The following MYO16 variants were observed in gnomAD, a reference collection of about 807,000 sequenced individuals.
MYO16 encodes unconventional myosin-XVI.
In MYO16, 94 loss-of-function variants were observed where a neutral mutation model predicts 205.3. The ratio of observed to expected loss-of-function variants is 0.46; its 90% CI spans 0.39 to 0.54. MYO16 has a LOEUF of 0.54. MYO16 is among the 20% of genes least tolerant of loss of function. The pLI, the probability that MYO16 is intolerant of heterozygous loss-of-function variation, is 0.00. For synonymous variants in MYO16, 988 were observed against 954.0 expected, an observed-to-expected ratio of 1.04 and a Z score of -0.66; for missense variants, 2,315 against 2,387.5, an observed-to-expected ratio of 0.97 and a Z score of 0.63.
intron 10 of MYO16, among the ~76,000 whole-genome samples, chr13:108,848,026 C>T (rs1475142): frequency 0.63 from 95,873 of 151,986 alleles, 30,660 homozygotes; most frequent in Middle Eastern, 0.68. Context: ...GCAGCTTTGC[C>T]GTGGTTCAGG....
chr13:108,577,076 T>C, the MYO16 span, among the ~76,000 whole-genome samples: 1 of 152,198 alleles, frequency 6.6e-6, no homozygotes, highest in Non-Finnish European at 1.5e-5. Context: ...TACCTTTCCA[T>C]TTGATTCAAT....
At chr13:108,859,307 A>G (rs1389598559) in intron 11 of MYO16, among the ~76,000 whole-genome samples, 1 of 152,172 alleles carries the variant, frequency 6.6e-6, no homozygotes, top group Non-Finnish European at 1.5e-5. Flanking sequence ...TATTGAATAA[A>G]TAAGTAGACT....
At chr13:108,917,656 G>A (rs1293472434) in intron 16 of MYO16, among the ~76,000 whole-genome samples, 3 of 152,198 alleles carry the variant, frequency 2.0e-5, no homozygotes, top group African/African-American at 7.2e-5. Context: ...TATTGTATGA[G>A]GTTAAGACAG....
the MYO16 span, among the ~76,000 whole-genome samples, chr13:108,535,406 G>A: frequency 1.4e-4 from 21 of 152,238 alleles, no homozygotes; most frequent in East Asian, 3.5e-3. Context: ...TGATCATTCC[G>A]GACCAGAATC....
intron 16 of MYO16, among the ~76,000 whole-genome samples, chr13:108,952,391 G>A (rs964812472): frequency 1.3e-5 from 2 of 152,050 alleles, no homozygotes; most frequent in African/African-American, 2.4e-5. Flanking sequence ...GTGTTGGTTC[G>A]CCAATGACTA....
intron 1 of MYO16, among the ~76,000 whole-genome samples, chr13:108,613,616 G>T (rs1027092753): frequency 6.6e-6 from 1 of 152,104 alleles, no homozygotes; most frequent in Non-Finnish European, 1.5e-5. Context: ...CAAAATGCTA[G>T]CAAACCCTAT....
chr13:108,839,156 G>A (rs1264137805), intron 9 of MYO16, among the ~76,000 whole-genome samples: 3 of 152,034 alleles, frequency 2.0e-5, no homozygotes, highest in Non-Finnish European at 4.4e-5. Flanking sequence ...ATGATGAGGG[G>A]CTCAGAGTGC....
chr13:108,863,028 G>C (rs1225941108), intron 11 of MYO16, among the ~76,000 whole-genome samples: 1 of 152,062 alleles, frequency 6.6e-6, no homozygotes, highest in African/African-American at 2.4e-5. Context: ...GTAATATATA[G>C]AGAATACAAT....
At chr13:109,189,165 G>A (rs1003657358) in intron 34 of MYO16, among the ~76,000 whole-genome samples, 1 of 152,070 alleles carries the variant, frequency 6.6e-6, no homozygotes, top group African/African-American at 2.4e-5. Flanking sequence ...GATTCAGCAA[G>A]TCAAGTCCTT....
chr13:109,137,782 A>G (rs1594116283), intron 31 of MYO16, among the ~76,000 whole-genome samples: 1 of 152,292 alleles, frequency 6.6e-6, no homozygotes, highest in Middle Eastern at 3.4e-3. Flanking sequence ...ACATACTCAT[A>G]TCACCATTTT....
intron 2 of MYO16, among the ~76,000 whole-genome samples, chr13:108,671,152 T>G (rs574104544): frequency 6.6e-6 from 1 of 152,226 alleles, no homozygotes; most frequent in African/African-American, 2.4e-5. Context: ...GTGTTTCTTT[T>G]TTGAATGGCA....
intron 2 of MYO16, among the ~76,000 whole-genome samples, chr13:108,708,047 A>G (rs1220468330): frequency 6.6e-6 from 1 of 152,164 alleles, no homozygotes; most frequent in Non-Finnish European, 1.5e-5. Context: ...TATTATTACA[A>G]TTTCACAGAG....
chr13:108,544,283 ATGT>A, the MYO16 span, among the ~76,000 whole-genome samples: 3 of 152,116 alleles, frequency 2.0e-5, no homozygotes, highest in Non-Finnish European at 4.4e-5. Context: ...CAATCACCAG[ATGT>A]TGTCCAATCA....
chr13:109,186,134 C>A (rs1481842322), intron 34 of MYO16, among the ~76,000 whole-genome samples: 1 of 152,048 alleles, frequency 6.6e-6, no homozygotes, highest in African/African-American at 2.4e-5. Context: ...CCATTGCATT[C>A]CAGCCTAAGC....
chr13:108,531,498 G>A, the MYO16 span, among the ~76,000 whole-genome samples: 3 of 152,128 alleles, frequency 2.0e-5, no homozygotes, highest in Admixed American at 6.5e-5. Flanking sequence ...AGTGGGCTTC[G>A]GGAGAAGAGG....
chr13:108,874,698 T>TCA (rs199781200), intron 12 of MYO16, among the ~76,000 whole-genome samples: 1,409 of 45,284 alleles, frequency 0.031, 15 homozygotes, highest in African/African-American at 0.067. Context: ...ATCATCATCA[T>TCA]TATTATTATT....
intron 16 of MYO16, among the ~76,000 whole-genome samples, chr13:108,918,187 A>G (rs897030745): frequency 2.0e-5 from 3 of 152,184 alleles, no homozygotes; most frequent in Admixed American, 2.0e-4. Context: ...TCTTTTTCAT[A>G]TTTTGGATGA....
chr13:109,196,229 T>C (rs1880145567), intron 34 of MYO16, among the ~76,000 whole-genome samples: 1 of 152,198 alleles, frequency 6.6e-6, no homozygotes, highest in Non-Finnish European at 1.5e-5. Flanking sequence ...GTCTTGAATG[T>C]CTAAATTTCA....
At chr13:109,066,047 C>T (rs1887738594) in intron 27 of MYO16, among the ~76,000 whole-genome samples, 1 of 152,140 alleles carries the variant, frequency 6.6e-6, no homozygotes. Flanking sequence ...AACCATTTAG[C>T]TTGCCTAAAT....
Sources: allele counts gnomAD v4.1 joint callset (sites outside exome capture counted in the v4.1 genomes callset), GRCh38; gene constraint gnomAD v4.1.1; transcripts MANE v1.5; gene names NCBI Gene and HGNC (gene_info 2026-07-23, HGNC 2026-07-21).